ITGA8: variants seen among roughly 807,000 people sequenced by gnomAD.
ITGA8 encodes integrin alpha-8.
In ITGA8, 91 loss-of-function variants were observed where a neutral mutation model predicts 142.3. That is an observed-to-expected ratio of 0.64 (90% CI 0.54 to 0.76). The LOEUF (loss-of-function observed/expected upper bound fraction) is 0.76. Ranked by LOEUF, ITGA8 falls within the 30% of genes least tolerant of loss-of-function variation. The pLI is 0.00. For synonymous variants in ITGA8, 505 were observed against 485.2 expected, an observed-to-expected ratio of 1.04 and a Z score of -0.54; for missense variants, 1,406 against 1,327.7, an observed-to-expected ratio of 1.06 and a Z score of -0.92.
chr10:15,548,461 G>T lies in ITGA8; in HGVS notation c.2874C>A (p.Phe958Leu), dbSNP rs2131557787. The change falls in exon 27 of 30, where the codon TTC becomes TTA. Residue 958 changes from phenylalanine to leucine, a missense_variant. Physicochemically the swap from Phe to Leu is conservative, Grantham distance 22. Coordinates refer to ENST00000378076, the MANE Select transcript of ITGA8 (RefSeq NM_003638.3). ...KVRSRLWAHT[F>L]LQRKNDPYAL... ...TTCTGTGGTTGTTTATTACCTGGAG[G>T]AAGGTGTGGGCCCATAATCGTGACC... The T allele has an allele frequency of 6.2e-7, 1 of 1,607,120 alleles. No individual in the cohort carries two copies. Among genetic ancestry groups the T allele is most frequent in the East Asian group, 2.3e-5 (1 of 44,340 alleles).
At chr10:15,697,386 G>T (rs1191361400) in intron 2 of ITGA8, among the ~76,000 whole-genome samples, 1 of 152,040 alleles carries the variant, frequency 6.6e-6, no homozygotes, top group Non-Finnish European at 1.5e-5. Flanking sequence ...CAAACATTAC[G>T]GCACGTTTTG....
rs143367295 is a variant in ITGA8 at position 15,613,721 on chromosome 10, T to G, written c.1492A>C (p.Met498Leu). ...TVDAQLLLHP[M>L]IINLENKTCQ... The stretch of plus-strand genomic sequence containing the variant: ...GTTTTATTTTCAAGATTGATAATCA[T>G]TGGGTGCAGCAGAAGCTGGGCATCT... The change falls in exon 15 of 30, where the codon ATG (methionine) becomes CTG (leucine). Residue 498 changes from methionine (M) to leucine (L), a missense_variant. By Grantham distance (15) the Met-to-Leu change is conservative. Transcript: ENST00000378076. 4 of 1,614,116 alleles carry G rather than the reference T, an allele frequency of 2.5e-6. No homozygotes were observed. In the South Asian group the frequency reaches 3.3e-5, roughly 13 times the overall value.
chr10:15,601,719 G>A (rs192785576), intron 20 of ITGA8, among the ~76,000 whole-genome samples: 81 of 152,230 alleles, frequency 5.3e-4, no homozygotes, highest in Non-Finnish European at 9.9e-4. Context: ...CCTAGAGCAA[G>A]AGATGATAAG....
chr10:15,577,624 A>G (rs765419983), intron 23 of ITGA8, among the ~76,000 whole-genome samples: 6 of 152,204 alleles, frequency 3.9e-5, no homozygotes, highest in Non-Finnish European at 8.8e-5. Flanking sequence ...ACCGAAGACT[A>G]CTTCAAATCC....
chr10:15,703,409 G>A (rs1835201294), intron 2 of ITGA8, among the ~76,000 whole-genome samples: 2 of 152,124 alleles, frequency 1.3e-5, no homozygotes, highest in South Asian at 4.1e-4. Context: ...CATTCAGAAT[G>A]TTTTTCACAT....
chr10:15,608,131 A>G, intron 16 of ITGA8, 104 bp downstream of exon 16: 4 of 807,576 alleles, frequency 5.0e-6, no homozygotes, highest in Non-Finnish European at 8.2e-6. Context: ...ATATCTTGGT[A>G]TTCCTCAAGG....
intron 13 of ITGA8, among the ~76,000 whole-genome samples, chr10:15,639,812 G>A (rs909390922): frequency 7.9e-5 from 12 of 152,264 alleles, no homozygotes; most frequent in East Asian, 1.9e-4. Context: ...CTGAACATTC[G>A]GATTTTTTAA....
At chr10:15,611,587 G>C (rs1006178320) in intron 15 of ITGA8, 2 of 150,336 alleles carry the variant, frequency 1.3e-5, no homozygotes, top group African/African-American at 4.9e-5. Flanking sequence ...CGCCTCCCAG[G>C]TTCATGCCAT....
At chr10:15,603,247 C>T (rs1453755329) in intron 20 of ITGA8, among the ~76,000 whole-genome samples, 1 of 152,130 alleles carries the variant, frequency 6.6e-6, no homozygotes, top group Non-Finnish European at 1.5e-5. Flanking sequence ...ATACCAACAT[C>T]ACAACAACAG....
At chr10:15,716,813 C>A (rs1835462670) in intron 2 of ITGA8, among the ~76,000 whole-genome samples, 1 of 151,854 alleles carries the variant, frequency 6.6e-6, no homozygotes, top group African/African-American at 2.4e-5. Flanking sequence ...TGGGATTACA[C>A]CCTTAGGCCC....
rs1834518391 is a variant in ITGA8, at chr10:15,671,534, A to G, written c.847+69T>C. 3.8e-6 allele frequency: 5 copies of G among 1,310,010 alleles called. No homozygotes were observed. In the Admixed American group the frequency reaches 6.8e-5, roughly 18 times the overall value. 81.1% of individuals were successfully genotyped at this position (1,310,010 alleles called of 1,614,324 possible). A position where few individuals can be genotyped will look rare whatever the true frequency, so the allele number is the denominator to read the frequency against. On this transcript the variant is annotated intron_variant, in intron 8 of 29. Coordinates refer to ENST00000378076, the MANE Select transcript of ITGA8 (RefSeq NM_003638.3). The stretch of plus-strand genomic sequence containing the variant: ...GCAAATAAAATCACATTGATAGAAA[A>G]AACTTTATATGCCATTTTACCATTT...
chr10:15,583,520 A>G (rs951401871), intron 23 of ITGA8, among the ~76,000 whole-genome samples: 83 of 152,308 alleles, frequency 5.4e-4, no homozygotes, highest in African/African-American at 1.9e-3. Context: ...TAATAATAAA[A>G]AAGTATATAT....
intron 13 of ITGA8, among the ~76,000 whole-genome samples, chr10:15,632,355 A>G (rs1833699059): frequency 6.6e-6 from 1 of 152,208 alleles, no homozygotes; most frequent in Non-Finnish European, 1.5e-5. Context: ...GAGAGATGAC[A>G]GTTCCTACAT....
At chr10:15,632,630 A>G (rs1007160044) in intron 13 of ITGA8, among the ~76,000 whole-genome samples, 1 of 152,184 alleles carries the variant, frequency 6.6e-6, no homozygotes, top group African/African-American at 2.4e-5. Flanking sequence ...ACAGATAGCA[A>G]TTGTAGCACT....
chr10:15,669,443 C>T (rs753663207), intron 8 of ITGA8, among the ~76,000 whole-genome samples: 3 of 152,120 alleles, frequency 2.0e-5, no homozygotes, highest in Admixed American at 6.5e-5. Flanking sequence ...AAAGCTTTTA[C>T]GTTCTTTGCC....
At chr10:15,532,418 CAAAAAAAAAA>C (rs35130036) in intron 27 of ITGA8, among the ~76,000 whole-genome samples, 6 of 27,824 alleles carry the variant, frequency 2.2e-4, no homozygotes, top group African/African-American at 4.2e-4. Context: ...GACTCCCTCT[CAAAAAAAAAA>C]AAAAAAAAAA....
At chr10:15,576,967 T>C (rs1030678406) in intron 23 of ITGA8, among the ~76,000 whole-genome samples, 3 of 152,206 alleles carry the variant, frequency 2.0e-5, no homozygotes, top group African/African-American at 4.8e-5. Context: ...TTCCCTTTTC[T>C]GACTTGGTTT....
chr10:15,604,034 G>A (rs924086738), intron 20 of ITGA8, among the ~76,000 whole-genome samples, 174 bp downstream of exon 20: 3 of 152,080 alleles, frequency 2.0e-5, no homozygotes, highest in Admixed American at 2.0e-4. Flanking sequence ...CATTAATACT[G>A]TGTAAGCCCA....
intron 27 of ITGA8, among the ~76,000 whole-genome samples, chr10:15,539,277 G>T (rs1299330370): frequency 6.6e-6 from 1 of 152,106 alleles, no homozygotes; most frequent in Non-Finnish European, 1.5e-5. Context: ...CTCAGTAGAT[G>T]AAATAAAAGG....
Sources: allele counts gnomAD v4.1 joint callset (sites outside exome capture counted in the v4.1 genomes callset), GRCh38; gene constraint gnomAD v4.1.1; transcripts MANE v1.5; gene names NCBI Gene and HGNC (gene_info 2026-07-23, HGNC 2026-07-21).